SV2C: variants seen among roughly 807,000 people sequenced by gnomAD.
SV2C encodes solute carrier family 22 member B3.
In SV2C, 49 loss-of-function variants were observed where a neutral mutation model predicts 79.7. The observed-to-expected ratio is 0.61, with a 90% CI of 0.49 to 0.78. The LOEUF is 0.78. SV2C is among the 30% of genes least tolerant of loss of function. The probability of loss-of-function intolerance (pLI) is 0.00; values close to 1 mark genes in which losing one functional copy is unlikely to be tolerated. For synonymous variants in SV2C, 334 were observed against 333.2 expected, an observed-to-expected ratio of 1.00 and a Z score of -0.03; for missense variants, 833 against 912.9, an observed-to-expected ratio of 0.91 and a Z score of 1.13.
At chr5:75,853,417 G>A in the SV2C span, among the ~76,000 whole-genome samples, 4 of 151,416 alleles carry the variant, frequency 2.6e-5, no homozygotes, top group Non-Finnish European at 4.4e-5. Context: ...CTAGCCGGGC[G>A]TGGTGGCGGG....
intron 2 of SV2C, among the ~76,000 whole-genome samples, chr5:76,185,018 G>C (rs1415002147): frequency 6.6e-6 from 1 of 152,230 alleles, no homozygotes; most frequent in African/African-American, 2.4e-5. Flanking sequence ...TGGGGTTACA[G>C]GAATTGGGTA....
rs764397749 is a variant in SV2C, at chr5:76,132,091, G to T, written c.341G>T (p.Gly114Val). The T allele has an allele frequency of 2.5e-5, 40 of 1,613,388 alleles. No individual in the cohort carries two copies. Among genetic ancestry groups the T allele is most frequent in the Non-Finnish European group, 3.3e-5 (39 of 1,179,662 alleles). Residue 114 changes from glycine to valine, a missense_variant, in exon 2 of 13, where the codon GGC becomes GTC. Physicochemically the swap from Gly to Val is moderately radical, Grantham distance 109. Transcript: ENST00000502798. Reference protein sequence around the residue: ...DSIVSVGQPKGDEYKDRRELE... With the variant: ...DSIVSVGQPKVDEYKDRRELE... The stretch of plus-strand genomic sequence containing the variant: ...ATCGTGTCAGTGGGGCAGCCCAAGG[G>T]CGATGAGTACAAGGACCGGCGGGAG...
At chr5:76,110,266 A>G (rs1164648352) in intron 1 of SV2C, among the ~76,000 whole-genome samples, 1 of 151,820 alleles carries the variant, frequency 6.6e-6, no homozygotes, top group African/African-American at 2.4e-5. Flanking sequence ...GAGGCAGCAG[A>G]AAAAAAAACT....
chr5:76,096,803 A>G (rs186819093), intron 1 of SV2C, among the ~76,000 whole-genome samples: 2 of 152,266 alleles, frequency 1.3e-5, no homozygotes, highest in Admixed American at 1.3e-4. Context: ...GCTTGAATAG[A>G]ATAAAAGGCT....
At chr5:76,019,941 G>A in the SV2C span, among the ~76,000 whole-genome samples, 1 of 152,148 alleles carries the variant, frequency 6.6e-6, no homozygotes, top group Non-Finnish European at 1.5e-5. Context: ...CTCACACTTG[G>A]CATGTCATTA....
chr5:75,991,084 AC>A, the SV2C span, among the ~76,000 whole-genome samples: 13 of 152,036 alleles, frequency 8.6e-5, no homozygotes, highest in Non-Finnish European at 1.6e-4. Context: ...GAGAAATGTG[AC>A]AATTTGCAGT....
At chr5:76,041,402 C>G in the SV2C span, among the ~76,000 whole-genome samples, 1 of 152,106 alleles carries the variant, frequency 6.6e-6, no homozygotes, top group Admixed American at 6.5e-5. Flanking sequence ...TTTTGCTACC[C>G]TCTCTCCAGA....
chr5:75,897,737 A>T, the SV2C span, among the ~76,000 whole-genome samples: 1 of 152,134 alleles, frequency 6.6e-6, no homozygotes, highest in Non-Finnish European at 1.5e-5. Flanking sequence ...ATCCTCTTTT[A>T]TTTCCTTGAG....
At chr5:75,866,958 T>G in the SV2C span, among the ~76,000 whole-genome samples, 1 of 152,126 alleles carries the variant, frequency 6.6e-6, no homozygotes, top group Non-Finnish European at 1.5e-5. Flanking sequence ...ATCTGGCAGC[T>G]GAGAAAATGT....
At chr5:76,253,641 T>G (rs2112443252) in intron 4 of SV2C, among the ~76,000 whole-genome samples, 1 of 151,118 alleles carries the variant, frequency 6.6e-6, no homozygotes, top group East Asian at 1.9e-4. Flanking sequence ...TCACCTCTAA[T>G]TACTCAACAC....
chr5:76,040,100 A>G, the SV2C span, among the ~76,000 whole-genome samples: 1 of 152,226 alleles, frequency 6.6e-6, no homozygotes, highest in Non-Finnish European at 1.5e-5. Context: ...TCTAAGAAAG[A>G]ATTAACTCTT....
intron 4 of SV2C, among the ~76,000 whole-genome samples, chr5:76,238,814 C>T (rs962682895): frequency 5.9e-5 from 9 of 152,188 alleles, no homozygotes; most frequent in Non-Finnish European, 1.3e-4. Context: ...ACTATTCACA[C>T]TGGTGAAAAC....
intron 4 of SV2C, among the ~76,000 whole-genome samples, chr5:76,213,259 C>T (rs1259458182): frequency 6.6e-6 from 1 of 152,162 alleles, no homozygotes; most frequent in Non-Finnish European, 1.5e-5. Context: ...TTGCTGAGGT[C>T]ATTGTTGTAC....
At chr5:75,892,082 A>C in the SV2C span, among the ~76,000 whole-genome samples, 1 of 151,896 alleles carries the variant, frequency 6.6e-6, no homozygotes, top group Non-Finnish European at 1.5e-5. Context: ...GCATTTGGTA[A>C]TCTCTCATTC....
At chr5:75,881,498 G>T in the SV2C span, among the ~76,000 whole-genome samples, 3 of 152,056 alleles carry the variant, frequency 2.0e-5, no homozygotes, top group African/African-American at 7.2e-5. Context: ...AGTTCTCCTT[G>T]AAGAGGTCCT....
chr5:76,056,493 G>A, the SV2C span, among the ~76,000 whole-genome samples: 1 of 152,138 alleles, frequency 6.6e-6, no homozygotes, highest in African/African-American at 2.4e-5. Context: ...GTATCAGGAT[G>A]ATGCTGGCCT....
the SV2C span, chr5:75,920,554 G>C: frequency 4.1e-6 from 2 of 481,976 alleles, no homozygotes; most frequent in Non-Finnish European, 7.3e-6. Context: ...GGAATAAGAA[G>C]CCATGGCTGG....
chr5:76,223,841 G>A (rs775152669), intron 4 of SV2C, among the ~76,000 whole-genome samples: 5 of 152,130 alleles, frequency 3.3e-5, no homozygotes, highest in Non-Finnish European at 7.3e-5. Context: ...AGTTCTGGAT[G>A]CTTGAAGTTC....
At chr5:75,901,630 G>C in the SV2C span, among the ~76,000 whole-genome samples, 8 of 152,216 alleles carry the variant, frequency 5.3e-5, no homozygotes, top group African/African-American at 1.7e-4. Flanking sequence ...GTCAGACAGG[G>C]ACATTTACGT....
Sources: gnomAD v4.1 joint callset for allele counts (sites outside exome capture counted in the v4.1 genomes callset) on GRCh38, gnomAD v4.1.1 for gene constraint, MANE v1.5 for transcripts, NCBI Gene and HGNC (gene_info 2026-07-23, HGNC 2026-07-21) for gene names.